MMP16: variants seen among roughly 807,000 people sequenced by gnomAD.
MMP16 encodes the protein matrix metalloproteinase-16.
A neutral mutation model predicts 67.8 loss-of-function variants in MMP16; 12 were observed. That is an observed-to-expected ratio of 0.18 (90% confidence interval 0.11 to 0.29). The LOEUF is 0.29. MMP16 is among the 10% of genes least tolerant of loss of function. MMP16 has a pLI of 1.00. For missense variants in MMP16, 475 were observed against 765.7 expected (o/e 0.62, Z 4.48); for synonymous variants, 249 against 255.9 (o/e 0.97, Z 0.26).
chr8:88,068,355 G>A (rs1182443598), intron 7 of MMP16, among the ~76,000 whole-genome samples: 1 of 151,904 alleles, frequency 6.6e-6, no homozygotes, highest in Non-Finnish European at 1.5e-5. Flanking sequence ...CTCTAACTGA[G>A]GCTTTTTATT....
chr8:88,240,525 A>T lies in MMP16; in HGVS notation c.133-43219T>A, dbSNP rs575781689. On this transcript the variant is annotated intron_variant, in intron 1 of 9. Transcript: ENST00000286614. ...GGGTCTTGCAAAGAAGGAGGATTTT[A>T]TATTTTCTTCTTAAACTATTGAGAA... Among the ~76,000 whole-genome samples, 16 of 152,316 alleles carry T rather than the reference A, an allele frequency of 1.1e-4. No homozygotes were observed. In the South Asian group the frequency reaches 3.3e-3, roughly 32 times the overall value.
At chr8:88,293,146 T>A (rs1810952687) in intron 1 of MMP16, among the ~76,000 whole-genome samples, 1 of 152,144 alleles carries the variant, frequency 6.6e-6, no homozygotes, top group Non-Finnish European at 1.5e-5. Flanking sequence ...ACTGAGTACA[T>A]CTTGATTATT....
intron 1 of MMP16, among the ~76,000 whole-genome samples, chr8:88,288,047 A>G (rs1335139738): frequency 2.6e-5 from 4 of 152,236 alleles, no homozygotes; most frequent in Non-Finnish European, 5.9e-5. Context: ...TTTCATGAAC[A>G]TATCATAGCC....
intron 1 of MMP16, among the ~76,000 whole-genome samples, chr8:88,318,892 C>G (rs1199579917): frequency 6.6e-6 from 1 of 152,086 alleles, no homozygotes; most frequent in Admixed American, 6.6e-5. Flanking sequence ...TTTGTTTAAT[C>G]AGAATGTAAT....
chr8:88,211,602 A>G (rs992999457), intron 1 of MMP16, among the ~76,000 whole-genome samples: 2 of 152,108 alleles, frequency 1.3e-5, no homozygotes, highest in African/African-American at 4.8e-5. Context: ...ACAAAATGTT[A>G]AATCCCTGAG....
rs186610208 is a variant in MMP16, at chr8:88,033,325, T to C, written c.*8136A>G. ...ATATATATATGTATCATATATACTA[T>C]ATATTCCTAAATCTATATTACCAGA... On this transcript the variant is annotated 3_prime_UTR_variant, in exon 10 of 10. Coordinates refer to ENST00000286614, the MANE Select transcript of MMP16 (RefSeq NM_005941.5). 8.4e-4 allele frequency: 126 copies of C among 150,132 alleles called. No individual in the cohort carries two copies. Among genetic ancestry groups the C allele is most frequent in the African/African-American group, 3.0e-3 (125 of 41,218 alleles). The allele number at this position is 150,132 out of a possible 1,614,324, so 9.3% of individuals were successfully genotyped here.
At chr8:88,287,879 T>C (rs891895114) in intron 1 of MMP16, among the ~76,000 whole-genome samples, 4 of 152,122 alleles carry the variant, frequency 2.6e-5, no homozygotes, top group African/African-American at 9.7e-5. Context: ...ACAAAGAAAC[T>C]GGGGCTCAAA....
chr8:88,088,843 G>A (rs1319637926), intron 6 of MMP16, among the ~76,000 whole-genome samples: 1 of 151,990 alleles, frequency 6.6e-6, no homozygotes, highest in Admixed American at 6.6e-5. Context: ...TTAACGAATG[G>A]AAAACACTGT....
intron 2 of MMP16, among the ~76,000 whole-genome samples, chr8:88,193,168 T>C (rs1809196658): frequency 6.6e-6 from 1 of 152,184 alleles, no homozygotes; most frequent in South Asian, 2.1e-4. Flanking sequence ...TGTCTGTCAA[T>C]GTGTGAATGG....
At chr8:88,110,514 TAGACCC>T (rs1809315872) in intron 6 of MMP16, among the ~76,000 whole-genome samples, 1 of 151,596 alleles carries the variant, frequency 6.6e-6, no homozygotes, top group Non-Finnish European at 1.5e-5. Flanking sequence ...TATGTGAATC[TAGACCC>T]AATTACAACA....
At position 88,116,581 on chromosome 8, in the gene MMP16, C is replaced by T. The variant is rs141858403; in HGVS notation, c.1009G>A (p.Gly337Arg). ...RPPTGRPSYP[G>R]AKPNICDGNF... The stretch of plus-strand genomic sequence containing the variant: ...CCATCACAGATGTTGGGTTTGGCTC[C>T]GGGATAGGAGGGTCTGCCGGTTGGA... Residue 337 changes from glycine to arginine, a missense_variant, in exon 6 of 10, where the codon GGA becomes AGA. Gly to Arg is a moderately radical substitution (Grantham distance 125). Coordinates refer to ENST00000286614, the MANE Select transcript of MMP16 (RefSeq NM_005941.5). 3.3e-5 allele frequency: 54 copies of T among 1,613,650 alleles called. No homozygotes were observed. Among genetic ancestry groups the T allele is most frequent in the Non-Finnish European group, 3.7e-5 (44 of 1,179,854 alleles).
At chr8:88,237,963 A>G (rs1409267081) in intron 1 of MMP16, among the ~76,000 whole-genome samples, 1 of 152,228 alleles carries the variant, frequency 6.6e-6, no homozygotes, top group Non-Finnish European at 1.5e-5. Context: ...GTCATCAGTC[A>G]ATCTAAAGTT....
At chr8:88,110,617 T>G (rs1473719850) in intron 6 of MMP16, among the ~76,000 whole-genome samples, 2 of 151,598 alleles carry the variant, frequency 1.3e-5, no homozygotes, top group South Asian at 4.1e-4. Context: ...TGCTGTGTGA[T>G]TTCTGTAAGT....
At chr8:88,127,653 G>T (rs1482545030) in intron 4 of MMP16, among the ~76,000 whole-genome samples, 1 of 151,656 alleles carries the variant, frequency 6.6e-6, no homozygotes, top group Non-Finnish European at 1.5e-5. Flanking sequence ...GAACTTTCAA[G>T]GTTATAATTT....
intron 4 of MMP16, among the ~76,000 whole-genome samples, chr8:88,129,563 C>A (rs896334540): frequency 1.3e-5 from 2 of 151,268 alleles, no homozygotes; most frequent in Non-Finnish European, 3.0e-5. Context: ...TCTGGAAGAG[C>A]CTGTTTTGCC....
At chr8:88,075,107 G>A (rs1180308334) in intron 6 of MMP16, among the ~76,000 whole-genome samples, 1 of 151,976 alleles carries the variant, frequency 6.6e-6, no homozygotes, top group Non-Finnish European at 1.5e-5. Context: ...GCTTCCTAAC[G>A]TTTTTAAATA....
intron 1 of MMP16, among the ~76,000 whole-genome samples, chr8:88,230,798 G>T (rs186909175): frequency 6.6e-6 from 1 of 151,892 alleles, no homozygotes; most frequent in Admixed American, 6.6e-5. Context: ...CAAGCTACAT[G>T]GTTTTTCTTA....
intron 3 of MMP16, 93 bp downstream of exon 3, chr8:88,186,383 T>G (rs1031058700): frequency 6.7e-7 from 1 of 1,488,250 alleles, no homozygotes; most frequent in African/African-American, 1.4e-5. Flanking sequence ...TATATTAACA[T>G]GTAGTCAACG....
chr8:88,184,479 T>A (rs1021709585), intron 3 of MMP16, among the ~76,000 whole-genome samples: 1 of 146,260 alleles, frequency 6.8e-6, no homozygotes, highest in Non-Finnish European at 1.5e-5. Flanking sequence ...CTGTAATCTC[T>A]GTGCTTTGGA....
Sources: allele counts gnomAD v4.1 joint callset (sites outside exome capture counted in the v4.1 genomes callset), GRCh38; gene constraint gnomAD v4.1.1; transcripts MANE v1.5; gene names NCBI Gene and HGNC (gene_info 2026-07-23, HGNC 2026-07-21).